The following PIK3C3 variants were observed in gnomAD, a reference collection of about 807,000 sequenced individuals.
PIK3C3 encodes PI3-kinase type 3.
Under a neutral mutation model 126.1 loss-of-function variants are expected in PIK3C3, and 95 were observed. The observed-to-expected ratio is 0.75, with a 90% CI of 0.64 to 0.89. The LOEUF (loss-of-function observed/expected upper bound fraction) is 0.89. Among genes scored for constraint, PIK3C3 ranks in the 40% least tolerant of loss-of-function variants. The pLI, the probability that PIK3C3 is intolerant of heterozygous loss-of-function variation, is 0.00. For missense variants in PIK3C3, 829 were observed against 1,063.2 expected (o/e 0.78, Z 3.06); for synonymous variants, 374 against 360.0 (o/e 1.04, Z -0.44).
chr18:42,078,753 T>G (rs1315204835), intron 24 of PIK3C3, among the ~76,000 whole-genome samples: 1 of 152,234 alleles, frequency 6.6e-6, no homozygotes, highest in African/African-American at 2.4e-5. Context: ...TGCAGTTTCT[T>G]TATCAGCACT....
rs187016431 is a variant in PIK3C3 at position 42,043,144 on chromosome 18, G to C, written c.2104-589G>C. On this transcript the variant is annotated intron_variant, in intron 19 of 24. Transcript: ENST00000262039. ...AGACGGAGTCTTGCTCTGTCGCCAG[G>C]CTGGAGTGCAGTGGTGCGATCTCGG... is the stretch of plus-strand genomic sequence containing the variant. 1.8e-3 allele frequency among the ~76,000 whole-genome samples: 274 copies of C among 151,694 alleles called. 1 individual carries two copies. The highest frequency in any genetic ancestry group is 6.2e-3 in the African/African-American group (255 of 41,298).
At chr18:42,073,809 T>C (rs918034846) in intron 24 of PIK3C3, among the ~76,000 whole-genome samples, 23 of 152,132 alleles carry the variant, frequency 1.5e-4, no homozygotes, top group African/African-American at 5.6e-4. Context: ...TTCACTTTAT[T>C]TGCTGTCCTC....
Position 42,004,441 on chromosome 18 carries a change from C to T in PIK3C3, c.1070C>T (p.Pro357Leu), listed in dbSNP as rs748630605. 6.2e-7 allele frequency: 1 copy of T among 1,613,656 alleles called. No individual in the cohort carries two copies. Among genetic ancestry groups the T allele is most frequent in the Non-Finnish European group, 8.5e-7 (1 of 1,179,716 alleles). The change falls in exon 10 of 25, where the codon CCG (proline) becomes CTG (leucine). Residue 357 changes from proline (P) to leucine (L), a missense_variant. Physicochemically the swap from Pro to Leu is moderately conservative, Grantham distance 98 (BLOSUM62 -3). This residue lies in a region of PIK3C3 where 64 missense variants were observed against 118.7 expected (regional missense o/e 0.54). Transcript: ENST00000262039. Reference sequence around the variant, plus strand: ...TTGGAACTTCTGGGAAAATGGAAGCCGATGGATGTAGAGGACTCCTTGGAG... The same window carrying T: ...TTGGAACTTCTGGGAAAATGGAAGCTGATGGATGTAGAGGACTCCTTGGAG... ...QALELLGKWKPMDVEDSLELL... is the reference protein window; with the variant it reads ...QALELLGKWKLMDVEDSLELL...
At chr18:42,032,628 ATTTAT>A (rs1424911462) in intron 15 of PIK3C3, among the ~76,000 whole-genome samples, 6 of 119,384 alleles carry the variant, frequency 5.0e-5, no homozygotes, top group Non-Finnish European at 1.1e-4. Context: ...TGGTTATTTT[ATTTAT>A]TTATTTATTT....
chr18:41,992,930 G>A (rs1216959298), intron 6 of PIK3C3, among the ~76,000 whole-genome samples: 1 of 151,938 alleles, frequency 6.6e-6, no homozygotes, highest in Non-Finnish European at 1.5e-5. Flanking sequence ...TTCTTGTTCT[G>A]AGTTTGAAAA....
chr18:41,957,685 C>A lies in PIK3C3; in HGVS notation c.184C>A (p.Gln62Lys), dbSNP rs754306101. ...ATGCTCTGATCTTTATGTTACTTGTCAAGTTTTTGCAGAAGGGAAGCCTTT... is the reference window on the plus strand; with the variant it reads ...ATGCTCTGATCTTTATGTTACTTGTAAAGTTTTTGCAGAAGGGAAGCCTTT... ...ETCSDLYVTC[Q>K]VFAEGKPLAL... Residue 62 changes from glutamine (Q) to lysine (K), a missense_variant, in exon 2 of 25, where the codon CAA (glutamine) becomes AAA (lysine). Coordinates refer to ENST00000262039, the MANE Select transcript of PIK3C3 (RefSeq NM_002647.4). The A allele has an allele frequency of 6.2e-7, 1 of 1,613,838 alleles. No individual in the cohort carries two copies. The highest frequency in any genetic ancestry group is 8.5e-7 in the Non-Finnish European group (1 of 1,179,878).
chr18:42,058,561 A>G (rs1371446041), intron 22 of PIK3C3, among the ~76,000 whole-genome samples: 1 of 152,176 alleles, frequency 6.6e-6, no homozygotes, highest in Non-Finnish European at 1.5e-5. Context: ...CTCTTCAGGA[A>G]TATTCAGAAG....
chr18:42,003,271 G>A (rs1159072636), intron 9 of PIK3C3, among the ~76,000 whole-genome samples: 1 of 152,122 alleles, frequency 6.6e-6, no homozygotes, highest in African/African-American at 2.4e-5. Flanking sequence ...AAAAGATTTT[G>A]GTTGGGCAGA....
intron 12 of PIK3C3, among the ~76,000 whole-genome samples, chr18:42,019,941 C>A (rs1006630461): frequency 2.0e-5 from 3 of 152,106 alleles, no homozygotes; most frequent in African/African-American, 4.8e-5. Flanking sequence ...ACCAGCAGGT[C>A]CTGTTAATTA....
At chr18:42,059,289 C>T (rs1331195096) in intron 22 of PIK3C3, among the ~76,000 whole-genome samples, 1 of 152,158 alleles carries the variant, frequency 6.6e-6, no homozygotes, top group African/African-American at 2.4e-5. Flanking sequence ...GGCAGAATGG[C>T]TCAGTTTTAC....
intron 21 of PIK3C3, among the ~76,000 whole-genome samples, chr18:42,054,451 G>A (rs2144499575): frequency 6.6e-6 from 1 of 151,684 alleles, no homozygotes. Context: ...TAGATTAAAG[G>A]TCTGCCTTTC....
rs182555093 is a variant in PIK3C3 at position 41,960,237 on chromosome 18, C to G, written c.258-2252C>G. Among the ~76,000 whole-genome samples, 4 of 152,292 alleles carry G rather than the reference C, an allele frequency of 2.6e-5. No individual in the cohort carries two copies. In the East Asian group the frequency reaches 5.8e-4, roughly 22 times the overall value. ...ATCCCATGAGGGACACTTGTACTTC[C>G]TTTAATTACACTTAAGGTAAATTCT... is the stretch of plus-strand genomic sequence containing the variant. On this transcript the variant is annotated intron_variant, in intron 2 of 24. Transcript: ENST00000262039.
chr18:42,024,498 C>T (rs1446158326), intron 13 of PIK3C3, among the ~76,000 whole-genome samples: 3 of 151,482 alleles, frequency 2.0e-5, no homozygotes, highest in South Asian at 2.1e-4. Flanking sequence ...TGCAATGGTG[C>T]GATCTTGGCT....
chr18:41,959,729 G>T (rs1360811663), intron 2 of PIK3C3, among the ~76,000 whole-genome samples: 1 of 152,086 alleles, frequency 6.6e-6, no homozygotes, highest in African/African-American at 2.4e-5. Context: ...AGGAGGCAGA[G>T]GTTGCAGTGA....
intron 24 of PIK3C3, chr18:42,070,575 G>T (rs762106555): frequency 1.3e-5 from 2 of 152,084 alleles, no homozygotes; most frequent in Non-Finnish European, 2.9e-5. Flanking sequence ...ATTTAGGGGA[G>T]CTAGTAATAG....
At chr18:42,042,704 G>T (rs556073366) in intron 19 of PIK3C3, among the ~76,000 whole-genome samples, 58 of 152,286 alleles carry the variant, frequency 3.8e-4, no homozygotes, top group African/African-American at 1.3e-3. Flanking sequence ...ATCTGTGTAA[G>T]TGATTTACCT....
At chr18:41,972,070 C>T (rs1980694709) in intron 4 of PIK3C3, among the ~76,000 whole-genome samples, 1 of 151,962 alleles carries the variant, frequency 6.6e-6, no homozygotes, top group Non-Finnish European at 1.5e-5. Context: ...TGGAATTAGT[C>T]CCAGTTGGAC....
At chr18:41,958,518 C>T (rs1018701324) in intron 2 of PIK3C3, among the ~76,000 whole-genome samples, 1 of 152,072 alleles carries the variant, frequency 6.6e-6, no homozygotes, top group African/African-American at 2.4e-5. Context: ...CCTGTGTGTC[C>T]CAGGTGTCAC....
intron 6 of PIK3C3, among the ~76,000 whole-genome samples, chr18:41,990,801 G>T (rs1341747712): frequency 6.6e-6 from 1 of 152,142 alleles, no homozygotes; most frequent in South Asian, 2.1e-4. Flanking sequence ...TAAAAACTTT[G>T]TGATTAATTG....
Sources: allele counts gnomAD v4.1 joint callset (sites outside exome capture counted in the v4.1 genomes callset), GRCh38; gene constraint gnomAD v4.1.1; regional missense constraint gnomAD v4.1.1; transcripts MANE v1.5; gene names NCBI Gene and HGNC (gene_info 2026-07-23, HGNC 2026-07-21).